ADGRA3: variants seen among roughly 807,000 people sequenced by gnomAD.
ADGRA3 encodes the protein G-protein coupled receptor 125.
ADGRA3 carries 56 observed loss-of-function variants against 119.8 expected under a neutral mutation model. That is an observed-to-expected ratio of 0.47 (90% CI 0.38 to 0.58). The LOEUF (loss-of-function observed/expected upper bound fraction) is 0.58, where lower values mean the gene tolerates loss of function less well. Among genes scored for constraint, ADGRA3 ranks in the 20% least tolerant of loss-of-function variants. The pLI, the probability that ADGRA3 is intolerant of heterozygous loss-of-function variation, is 0.00. For missense variants in ADGRA3, 1,516 were observed against 1,649.0 expected, an observed-to-expected ratio of 0.92 and a Z score of 1.40; for synonymous variants, 607 against 623.8, an observed-to-expected ratio of 0.97 and a Z score of 0.40.
At chr4:22,461,622 C>A in intron 3 of ADGRA3, 115 bp downstream of exon 3, 1 of 691,836 alleles carries the variant, frequency 1.4e-6, no homozygotes, top group Admixed American at 2.7e-5. Flanking sequence ...AGGGACCTGG[C>A]CAGGTAAAGC....
chr4:22,392,949 C>T (rs1714197165), intron 16 of ADGRA3: 1 of 355,980 alleles, frequency 2.8e-6, no homozygotes, highest in African/African-American at 2.1e-5. Context: ...ACCCTTAATA[C>T]AGGACAGAAC....
At chr4:22,400,998 A>T (rs1714611875) in intron 16 of ADGRA3, among the ~76,000 whole-genome samples, 1 of 152,230 alleles carries the variant, frequency 6.6e-6, no homozygotes, top group Non-Finnish European at 1.5e-5. Flanking sequence ...AGATATTTTT[A>T]AATTCTTCAT....
intron 14 of ADGRA3, among the ~76,000 whole-genome samples, chr4:22,411,444 C>T (rs1193962887): frequency 6.6e-6 from 1 of 151,918 alleles, no homozygotes; most frequent in East Asian, 1.9e-4. Context: ...ACTAAAAATA[C>T]AAAAATTAGC....
At chr4:22,495,592 G>A (rs1455539941) in intron 1 of ADGRA3, among the ~76,000 whole-genome samples, 1 of 151,990 alleles carries the variant, frequency 6.6e-6, no homozygotes, top group Non-Finnish European at 1.5e-5. Context: ...AATTGATCAG[G>A]AGTAAATTTC....
chr4:22,515,773 G>A lies in ADGRA3; in HGVS notation c.12C>T (p.Pro4=). Residue 4 remains proline, a synonymous_variant, in exon 1 of 19, where the codon CCC becomes CCT. Coordinates refer to ENST00000334304, the MANE Select transcript of ADGRA3 (RefSeq NM_145290.4). The part of the protein sequence containing the change: MEP[P]GRRRGRAQPP... ...GCTGCGCGCGGCCCCGCCGGCGTCC[G>A]GGTGGCTCCATGCTGCGGGCCGGGG... 1 of 1,015,880 alleles carries A rather than the reference G, an allele frequency of 9.8e-7. No homozygotes were observed. The highest frequency in any genetic ancestry group is 1.7e-5 in the African/African-American group (1 of 57,270). 62.9% of individuals were successfully genotyped at this position (1,015,880 alleles called of 1,614,324 possible). A position where few individuals can be genotyped will look rare whatever the true frequency, so the allele number is the denominator to read the frequency against.
At chr4:22,476,052 G>C (rs1718032003) in intron 1 of ADGRA3, among the ~76,000 whole-genome samples, 1 of 152,130 alleles carries the variant, frequency 6.6e-6, no homozygotes, top group South Asian at 2.1e-4. Flanking sequence ...CTAAAGCAAG[G>C]ATAAGTCTTC....
At chr4:22,454,612 T>C (rs1717176025) in intron 4 of ADGRA3, among the ~76,000 whole-genome samples, 1 of 152,180 alleles carries the variant, frequency 6.6e-6, no homozygotes, top group African/African-American at 2.4e-5. Context: ...TGCTCTCTGT[T>C]GCATGTACTA....
chr4:22,447,540 A>C, intron 4 of ADGRA3, 29 bp from the exon 5 acceptor site: 1 of 1,267,372 alleles, frequency 7.9e-7, no homozygotes, highest in Non-Finnish European at 1.1e-6. Flanking sequence ...TTTCACTTTT[A>C]AAAATACAAT....
chr4:22,437,227 A>C (rs1716431135), intron 8 of ADGRA3, among the ~76,000 whole-genome samples: 1 of 152,200 alleles, frequency 6.6e-6, no homozygotes, highest in Non-Finnish European at 1.5e-5. Flanking sequence ...AATCTACATA[A>C]AAGACTTATC....
chr4:22,387,539 T>G lies in ADGRA3; in HGVS notation c.*166A>C. The G allele has an allele frequency of 1.7e-6, 1 of 605,110 alleles. No individual in the cohort carries two copies. Among genetic ancestry groups the G allele is most frequent in the Non-Finnish European group, 2.7e-6 (1 of 372,972 alleles). 37.5% of individuals were successfully genotyped at this position (605,110 alleles called of 1,614,324 possible). ...AGATTTTGTTTCAGATCCTAAAAAA[T>G]AGCAACAATTTGGGGATAAAAATAA... is the stretch of plus-strand genomic sequence containing the variant. On this transcript the variant is annotated 3_prime_UTR_variant, in exon 19 of 19. Transcript: ENST00000334304.
chr4:22,420,754 G>C (rs1412231111), intron 12 of ADGRA3, 132 bp downstream of exon 12: 10 of 848,954 alleles, frequency 1.2e-5, no homozygotes, highest in Admixed American at 1.1e-4. Flanking sequence ...CTTTAAAACA[G>C]TAGCAAAAGC....
intron 7 of ADGRA3, among the ~76,000 whole-genome samples, chr4:22,441,386 A>G (rs1333734931): frequency 6.6e-6 from 1 of 152,222 alleles, no homozygotes; most frequent in Non-Finnish European, 1.5e-5. Flanking sequence ...TTAGGAGAAT[A>G]TAACAGAATC....
At chr4:22,486,525 C>T (rs145700257) in intron 1 of ADGRA3, among the ~76,000 whole-genome samples, 1 of 152,198 alleles carries the variant, frequency 6.6e-6, no homozygotes, top group Admixed American at 6.5e-5. Flanking sequence ...CTCTGTAAAA[C>T]AGTCAGATGT....
At chr4:22,402,977 T>C (rs940724776) in intron 14 of ADGRA3, among the ~76,000 whole-genome samples, 178 bp from the exon 15 acceptor site, 1 of 152,186 alleles carries the variant, frequency 6.6e-6, no homozygotes, top group Non-Finnish European at 1.5e-5. Context: ...CTTTCCTAAC[T>C]TCTATGGTGT....
chr4:22,397,348 AT>A (rs547344910), intron 16 of ADGRA3, among the ~76,000 whole-genome samples: 105 of 151,790 alleles, frequency 6.9e-4, no homozygotes, highest in African/African-American at 2.4e-3. Flanking sequence ...CGCTCAGCTA[AT>A]TTTTGTACTT....
At chr4:22,413,073 A>C (rs1192675519) in intron 14 of ADGRA3, 109 bp downstream of exon 14, 3 of 814,576 alleles carry the variant, frequency 3.7e-6, no homozygotes, top group African/African-American at 3.6e-5. Context: ...TTATGTTAAA[A>C]GTAAAAAAAA....
At chr4:22,415,981 T>C (rs1715413407) in intron 12 of ADGRA3, among the ~76,000 whole-genome samples, 1 of 151,938 alleles carries the variant, frequency 6.6e-6, no homozygotes, top group Admixed American at 6.6e-5. Flanking sequence ...TAACTGCAGG[T>C]TCCCTGAGAT....
rs1206708487 is a variant in ADGRA3 at position 22,388,833 on chromosome 4, A to G, written c.2838T>C (p.Pro946=). ...LSIFIQLKRH[P]ERKYELKEPT... is the part of the protein sequence containing the mutation. ...GCTCCTTAAGCTCATATTTGCGCTC[A>G]GGGTGTCTTTTCAACTGAATAAATA... The change falls in exon 19 of 19, where the codon CCT becomes CCC. Residue 946 remains proline, a synonymous_variant. Transcript: ENST00000334304. The G allele has an allele frequency of 6.2e-7, 1 of 1,613,962 alleles. No individual in the cohort carries two copies. The highest frequency in any genetic ancestry group is 8.5e-7 in the Non-Finnish European group (1 of 1,179,984).
intron 6 of ADGRA3, among the ~76,000 whole-genome samples, chr4:22,443,919 A>G (rs546209354): frequency 2.6e-5 from 4 of 151,838 alleles, no homozygotes; most frequent in African/African-American, 9.7e-5. Flanking sequence ...AGAGAAAAGG[A>G]AAAAAATATG....
Sources: allele counts gnomAD v4.1 joint callset (sites outside exome capture counted in the v4.1 genomes callset), GRCh38; gene constraint gnomAD v4.1.1; transcripts MANE v1.5; gene names NCBI Gene and HGNC (gene_info 2026-07-23, HGNC 2026-07-21).